ACTR3C: variants seen among roughly 807,000 people sequenced by gnomAD.
The protein encoded by ACTR3C is actin related protein 3C.
ACTR3C carries 18 observed loss-of-function variants against 26.3 expected under a neutral mutation model. That is an observed-to-expected ratio of 0.68 (90% confidence interval 0.47 to 1.01). The LOEUF is 1.01. Ranked by LOEUF, ACTR3C falls within the 50% of genes least tolerant of loss-of-function variation. ACTR3C has a pLI of 0.00. For synonymous variants in ACTR3C, 55 were observed against 94.5 expected (o/e 0.58, Z 2.42); for missense variants, 184 against 250.7 (o/e 0.73, Z 1.80).
chr7:150,301,569 TTAAC>T (rs1480776655), intron 1 of ACTR3C, among the ~76,000 whole-genome samples: 1 of 152,050 alleles, frequency 6.6e-6, no homozygotes, highest in African/African-American at 2.4e-5. Flanking sequence ...AGGCAAAAAA[TTAAC>T]TGAGTAAAAC....
chr7:150,242,496 A>T (rs985658790), downstream of ACTR3C, among the ~76,000 whole-genome samples: 1 of 151,180 alleles, frequency 6.6e-6, no homozygotes, highest in East Asian at 1.9e-4. Flanking sequence ...ATCAAAACCT[A>T]TAACTAAAAT....
At chr7:149,906,050 C>T in the ACTR3C span, among the ~76,000 whole-genome samples, 3 of 152,072 alleles carry the variant, frequency 2.0e-5, no homozygotes, top group Non-Finnish European at 2.9e-5. Context: ...TGTATATTCG[C>T]GTTAGAATTC....
chr7:150,153,913 G>A, the ACTR3C span, among the ~76,000 whole-genome samples: 1 of 146,874 alleles, frequency 6.8e-6, no homozygotes, highest in Non-Finnish European at 1.5e-5. Flanking sequence ...ATGAGTTCAT[G>A]TCCTTTGTAG....
chr7:150,172,304 C>T, the ACTR3C span, among the ~76,000 whole-genome samples: 3 of 150,406 alleles, frequency 2.0e-5, 1 homozygote, highest in African/African-American at 7.5e-5. Flanking sequence ...GCTGGGGAGG[C>T]CTCAGAATCA....
the ACTR3C span, among the ~76,000 whole-genome samples, chr7:150,128,595 G>A: frequency 6.6e-6 from 1 of 151,358 alleles, no homozygotes; most frequent in Non-Finnish European, 1.5e-5. Context: ...GCTACCTAGG[G>A]CTTGCCATTT....
the ACTR3C span, among the ~76,000 whole-genome samples, chr7:150,098,237 C>T: frequency 2.0e-5 from 3 of 151,756 alleles, no homozygotes; most frequent in East Asian, 1.9e-4. Context: ...GAATTCTTGT[C>T]GTTGAGAAAG....
At chr7:150,187,124 T>C in the ACTR3C span, among the ~76,000 whole-genome samples, 146 of 151,838 alleles carry the variant, frequency 9.6e-4, 1 homozygote, top group African/African-American at 3.3e-3. Flanking sequence ...GACACTGTTC[T>C]CTTTTTTTGA....
the ACTR3C span, among the ~76,000 whole-genome samples, chr7:150,139,056 G>A: frequency 2.6e-5 from 4 of 152,366 alleles, no homozygotes; most frequent in East Asian, 1.9e-4. Context: ...TTCATTATAC[G>A]TTACAATGTA....
the ACTR3C span, among the ~76,000 whole-genome samples, chr7:150,133,113 G>A: frequency 2.0e-5 from 3 of 152,052 alleles, no homozygotes; most frequent in Non-Finnish European, 2.9e-5. Context: ...CACACAGGAC[G>A]AATTCCATGA....
chr7:149,971,215 A>G, the ACTR3C span, among the ~76,000 whole-genome samples: 1 of 152,226 alleles, frequency 6.6e-6, no homozygotes, highest in African/African-American at 2.4e-5. Context: ...GCCTCTAGCC[A>G]CAGGGGTCAT....
the ACTR3C span, among the ~76,000 whole-genome samples, chr7:150,085,140 G>T: frequency 1.3e-5 from 2 of 152,170 alleles, no homozygotes; most frequent in Non-Finnish European, 2.9e-5. Flanking sequence ...CTGGCCACAT[G>T]TTAGCGAGGA....
rs145338745 is a variant in ACTR3C at position 150,264,340 on chromosome 7, T to C, written c.565-15286A>G. On this transcript the variant is annotated intron_variant, in intron 6 of 7. Transcript: ENST00000683684. ...TCAGCGTGGCCACAGACAGTGAACT[T>C]TAAAACTAGGCAACAAATAAAACCT... Among the ~76,000 whole-genome samples, 223 of 152,322 alleles carry C rather than the reference T, an allele frequency of 1.5e-3. 1 individual carries two copies. The highest frequency in any genetic ancestry group is 4.9e-3 in the African/African-American group (204 of 41,566).
the ACTR3C span, among the ~76,000 whole-genome samples, chr7:150,068,615 A>G: frequency 2.6e-5 from 2 of 77,262 alleles, no homozygotes; most frequent in South Asian, 4.6e-4. Flanking sequence ...CGTCTCTACT[A>G]AAAATACAAA....
chr7:150,131,098 CTTAAA>C, the ACTR3C span, among the ~76,000 whole-genome samples: 2 of 152,100 alleles, frequency 1.3e-5, no homozygotes, highest in South Asian at 2.1e-4. Flanking sequence ...AAAATGCACT[CTTAAA>C]TTAGAGAATG....
chr7:150,059,572 G>A, the ACTR3C span, among the ~76,000 whole-genome samples: 3 of 152,310 alleles, frequency 2.0e-5, no homozygotes, highest in South Asian at 2.1e-4. Context: ...GGAGGAGTAT[G>A]AGTCTGAAAG....
chr7:149,999,339 C>T, the ACTR3C span, among the ~76,000 whole-genome samples: 1 of 150,820 alleles, frequency 6.6e-6, no homozygotes, highest in African/African-American at 2.4e-5. Flanking sequence ...CAGTGTGAAG[C>T]CCTGTCCAGG....
the ACTR3C span, among the ~76,000 whole-genome samples, chr7:150,178,280 CTTTTTTT>C: frequency 8.0e-6 from 1 of 125,086 alleles, no homozygotes; most frequent in Non-Finnish European, 1.7e-5. Context: ...AACAGGAATA[CTTTTTTT>C]TTTTTTTTTT....
the ACTR3C span, among the ~76,000 whole-genome samples, chr7:149,912,789 A>T: frequency 6.6e-6 from 1 of 151,852 alleles, no homozygotes; most frequent in East Asian, 1.9e-4. Context: ...CGTGAGCCAC[A>T]GTGCCTGGCC....
At chr7:150,095,524 G>T in the ACTR3C span, among the ~76,000 whole-genome samples, 1,835 of 150,546 alleles carry the variant, frequency 0.012, 167 homozygotes, top group African/African-American at 0.044. Context: ...GATAGTCTTG[G>T]CTTCTTTCAA....
Sources: allele counts gnomAD v4.1 joint callset (sites outside exome capture counted in the v4.1 genomes callset), GRCh38; gene constraint gnomAD v4.1.1; transcripts MANE v1.5; gene names NCBI Gene and HGNC (gene_info 2026-07-23, HGNC 2026-07-21).